SIPA1L1: variants seen among roughly 807,000 people sequenced by gnomAD.
SIPA1L1 encodes signal-induced proliferation-associated 1-like protein 1.
SIPA1L1 carries 26 observed loss-of-function variants against 162.7 expected under a neutral mutation model. The ratio of observed to expected loss-of-function variants is 0.16; its 90% CI spans 0.12 to 0.22. The LOEUF (loss-of-function observed/expected upper bound fraction) is 0.22, where lower values mean the gene tolerates loss of function less well. Ranked by LOEUF, SIPA1L1 falls within the 10% of genes least tolerant of loss-of-function variation. SIPA1L1 has a pLI of 1.00. For synonymous variants in SIPA1L1, 829 were observed against 837.4 expected, an observed-to-expected ratio of 0.99 and a Z score of 0.17; for missense variants, 1,874 against 2,241.0, an observed-to-expected ratio of 0.84 and a Z score of 3.31.
intron 2 of SIPA1L1, among the ~76,000 whole-genome samples, chr14:71,409,514 G>A (rs1348951704): frequency 6.6e-6 from 1 of 152,166 alleles, no homozygotes; most frequent in African/African-American, 2.4e-5. Flanking sequence ...TACAGGGAAG[G>A]GAAAGGTGAA....
At chr14:71,537,061 C>G (rs1278885749) in intron 4 of SIPA1L1, among the ~76,000 whole-genome samples, 1 of 152,124 alleles carries the variant, frequency 6.6e-6, no homozygotes, top group East Asian at 1.9e-4. Context: ...TTGCACAGCT[C>G]TCATTAGATT....
At chr14:71,417,040 C>T (rs1220529781) in intron 2 of SIPA1L1, among the ~76,000 whole-genome samples, 4 of 152,016 alleles carry the variant, frequency 2.6e-5, no homozygotes, top group Admixed American at 2.0e-4. Context: ...CATGAACCAC[C>T]GTGCCTGGCC....
chr14:71,586,571 C>T (rs1301871221), intron 4 of SIPA1L1: 1 of 152,178 alleles, frequency 6.6e-6, no homozygotes, highest in Non-Finnish European at 1.5e-5. Flanking sequence ...GGAGCCTCTG[C>T]CTTTCTTTTC....
intron 2 of SIPA1L1, among the ~76,000 whole-genome samples, chr14:71,492,766 A>T (rs2049389470): frequency 6.6e-6 from 1 of 150,628 alleles, no homozygotes; most frequent in African/African-American, 2.4e-5. Flanking sequence ...GACCATGGGC[A>T]TATGCCACCA....
intron 5 of SIPA1L1, among the ~76,000 whole-genome samples, chr14:71,610,410 A>G (rs1027588428): frequency 6.6e-6 from 1 of 152,242 alleles, no homozygotes; most frequent in Non-Finnish European, 1.5e-5. Flanking sequence ...TAGACCAGAA[A>G]GATCCACTGG....
At chr14:71,508,100 C>A (rs1448950800) in intron 2 of SIPA1L1, among the ~76,000 whole-genome samples, 1 of 152,212 alleles carries the variant, frequency 6.6e-6, no homozygotes, top group African/African-American at 2.4e-5. Flanking sequence ...TTGGCTCCAG[C>A]CACCATTGCT....
At chr14:71,401,279 C>T (rs755087313) in intron 2 of SIPA1L1, among the ~76,000 whole-genome samples, 1 of 152,158 alleles carries the variant, frequency 6.6e-6, no homozygotes, top group South Asian at 2.1e-4. Context: ...TCAAGTTACA[C>T]TGACTTGGCT....
At chr14:71,733,546 C>T (rs533997589) in intron 20 of SIPA1L1, 120 bp from the exon 21 acceptor site, 2 of 1,026,824 alleles carry the variant, frequency 1.9e-6, no homozygotes, top group Admixed American at 2.1e-5. Context: ...GCCTGCTAAC[C>T]TGGACATTGA....
At chr14:71,352,843 C>T (rs2036854027) in intron 2 of SIPA1L1, among the ~76,000 whole-genome samples, 1 of 152,224 alleles carries the variant, frequency 6.6e-6, no homozygotes, top group Non-Finnish European at 1.5e-5. Flanking sequence ...GCTCCACAGA[C>T]ATGTCAAGAT....
In SIPA1L1 at chr14:71,732,231, C is replaced by T. The variant is rs554470428; in HGVS notation, c.4862-1435C>T. On this transcript the variant is annotated intron_variant, in intron 20 of 23. Coordinates refer to ENST00000381232, the MANE Select transcript of SIPA1L1 (RefSeq NM_001386936.1). Reference sequence around the variant, plus strand: ...CAAAGCATTTAATACACTGGCTTACCGGGCTGTCATAATACATGAAAATCT... The same window carrying T: ...CAAAGCATTTAATACACTGGCTTACTGGGCTGTCATAATACATGAAAATCT... 1.2e-3 allele frequency among the ~76,000 whole-genome samples: 189 copies of T among 152,146 alleles called. 1 individual carries two copies. Among genetic ancestry groups the T allele is most frequent in the Admixed American group, 9.8e-4 (15 of 15,278 alleles).
chr14:71,407,480 C>T (rs1175040253), intron 2 of SIPA1L1, among the ~76,000 whole-genome samples: 1 of 119,868 alleles, frequency 8.3e-6, no homozygotes, highest in Non-Finnish European at 1.9e-5. Context: ...CCTCCATTCC[C>T]TTCCCTCCCC....
At chr14:71,388,380 T>C (rs1014802086) in intron 2 of SIPA1L1, among the ~76,000 whole-genome samples, 7 of 152,242 alleles carry the variant, frequency 4.6e-5, no homozygotes, top group African/African-American at 1.7e-4. Context: ...CAAGGAATTA[T>C]CTGCAAAACC....
chr14:71,330,835 A>G (rs1384762634), intron 2 of SIPA1L1: 4 of 599,304 alleles, frequency 6.7e-6, no homozygotes, highest in Admixed American at 3.0e-5. Flanking sequence ...ACCTTATGAG[A>G]TAGATTATTT....
At position 71,377,841 on chromosome 14, in the gene SIPA1L1, C is replaced by T. The variant is rs181837728; in HGVS notation, c.-465+56660C>T. ...AAATACAAAAACCAGTCAGGCGTGG[C>T]GGCGCGTGCCTGCAATCCCAGGCAC... is the stretch of plus-strand genomic sequence containing the variant. On this transcript the variant is annotated intron_variant, in intron 2 of 23. Coordinates refer to ENST00000381232, the MANE Select transcript of SIPA1L1 (RefSeq NM_001386936.1). The surrounding 1 kb of genome is among the most constrained non-coding windows in gnomAD (Gnocchi z 4.8). Among the ~76,000 whole-genome samples, 42 of 152,246 alleles carry T rather than the reference C, an allele frequency of 2.8e-4. No homozygotes were observed. The highest frequency in any genetic ancestry group is 1.5e-3 in the East Asian group (8 of 5,168).
At chr14:71,466,736 G>A (rs1294101788) in intron 2 of SIPA1L1, among the ~76,000 whole-genome samples, 2 of 151,998 alleles carry the variant, frequency 1.3e-5, no homozygotes, top group Admixed American at 6.6e-5. Flanking sequence ...TTGTGTTTAG[G>A]GTTTGCCACT....
intron 2 of SIPA1L1, among the ~76,000 whole-genome samples, chr14:71,475,866 A>G (rs1309269944): frequency 1.3e-5 from 2 of 152,246 alleles, no homozygotes; most frequent in Non-Finnish European, 2.9e-5. Flanking sequence ...GACTAATAGT[A>G]TTTGGACAGA....
Position 71,328,927 on chromosome 14 carries a change from G to A in SIPA1L1, c.-465+7746G>A, listed in dbSNP as rs1003739778. Reference sequence around the variant, plus strand: ...GAAACTCTGTAAGCATTAAACATTGGCCCCCATTTCCACCTCCCACAGACT... The same window carrying A: ...GAAACTCTGTAAGCATTAAACATTGACCCCCATTTCCACCTCCCACAGACT... On this transcript the variant is annotated intron_variant, in intron 2 of 23. Coordinates refer to ENST00000381232, the MANE Select transcript of SIPA1L1 (RefSeq NM_001386936.1). 1.4e-4 allele frequency among the ~76,000 whole-genome samples: 22 copies of A among 152,106 alleles called. No individual in the cohort carries two copies. In the East Asian group the frequency reaches 4.3e-3, roughly 29 times the overall value.
chr14:71,688,819 C>T (rs561969214), intron 13 of SIPA1L1, among the ~76,000 whole-genome samples: 3 of 152,242 alleles, frequency 2.0e-5, no homozygotes, highest in South Asian at 2.1e-4. Context: ...AATGGTGTGG[C>T]GTAATATTGT....
intron 3 of SIPA1L1, among the ~76,000 whole-genome samples, chr14:71,522,298 G>C (rs1204394821): frequency 6.6e-6 from 1 of 152,014 alleles, no homozygotes; most frequent in East Asian, 1.9e-4. Flanking sequence ...TATGTCTCTT[G>C]GTATTGATTT....
Sources: gnomAD v4.1 joint callset for allele counts (sites outside exome capture counted in the v4.1 genomes callset) on GRCh38, gnomAD v4.1.1 for gene constraint, Gnocchi (gnomAD v3.1) non-coding constraint, MANE v1.5 for transcripts, NCBI Gene and HGNC (gene_info 2026-07-23, HGNC 2026-07-21) for gene names.